Variants in TRAPPC12 observed in about 807,000 individuals in gnomAD.
TRAPPC12 encodes TPR repeat protein 15.
Under a neutral mutation model 69.2 loss-of-function variants are expected in TRAPPC12, and 61 were observed. The ratio of observed to expected loss-of-function variants is 0.88; its 90% confidence interval spans 0.72 to 1.09. TRAPPC12 has a LOEUF of 1.09. Ranked by LOEUF, TRAPPC12 falls within the 50% of genes least tolerant of loss-of-function variation. The probability of loss-of-function intolerance (pLI) is 0.00; values close to 1 mark genes in which losing one functional copy is unlikely to be tolerated. For synonymous variants in TRAPPC12, 469 were observed against 438.9 expected (o/e 1.07, Z -0.86); for missense variants, 1,101 against 1,016.4 (o/e 1.08, Z -1.13).
At position 3,387,911 on chromosome 2, in the gene TRAPPC12, G is replaced by A; in HGVS notation, c.288G>A (p.Gly96=). 1 of 1,542,554 alleles carries A rather than the reference G, an allele frequency of 6.5e-7. No homozygotes were observed. Among genetic ancestry groups the A allele is most frequent in the Non-Finnish European group, 8.7e-7 (1 of 1,143,686 alleles). ...GRVRDEAEPG[G]EGDPGPEPAG... ...TGCGGGACGAAGCTGAGCCCGGAGGGGAAGGCGACCCAGGCCCGGAGCCCG... is the reference window on the plus strand; with the variant it reads ...TGCGGGACGAAGCTGAGCCCGGAGGAGAAGGCGACCCAGGCCCGGAGCCCG... The change falls in exon 2 of 12, where the codon GGG becomes GGA. Residue 96 remains glycine, a synonymous_variant. Coordinates refer to ENST00000324266, the MANE Select transcript of TRAPPC12 (RefSeq NM_016030.6).
chr2:3,415,136 T>C (rs1174289025), intron 3 of TRAPPC12, among the ~76,000 whole-genome samples: 2 of 152,124 alleles, frequency 1.3e-5, no homozygotes, highest in Non-Finnish European at 2.9e-5. Context: ...CCAACCTCCG[T>C]GGTTTGACTT....
At chr2:3,435,337 G>C (rs182951909) in intron 5 of TRAPPC12, among the ~76,000 whole-genome samples, 8 of 152,306 alleles carry the variant, frequency 5.3e-5, no homozygotes, top group Admixed American at 3.9e-4. Flanking sequence ...CTGTTACTGG[G>C]GGGGCAGGGG....
chr2:3,447,420 A>G (rs1664570204), intron 6 of TRAPPC12, among the ~76,000 whole-genome samples: 1 of 152,216 alleles, frequency 6.6e-6, no homozygotes, highest in Non-Finnish European at 1.5e-5. Flanking sequence ...ATCATAGTAG[A>G]AAGCAAAGGG....
At position 3,414,492 on chromosome 2, in the gene TRAPPC12, A is replaced by G. The variant is rs567462783; in HGVS notation, c.1165-7389A>G. Among the ~76,000 whole-genome samples, 3 of 151,280 alleles carry G rather than the reference A, an allele frequency of 2.0e-5. No homozygotes were observed. Among genetic ancestry groups the G allele is most frequent in the African/African-American group, 7.3e-5 (3 of 41,136 alleles). ...CCTGGGGTCTGCCACTCTGGGGTCC[A>G]GCCTCTAGCTCCAGCTCCAGCTCAG... On this transcript the variant is annotated intron_variant, in intron 3 of 11. Coordinates refer to ENST00000324266, the MANE Select transcript of TRAPPC12 (RefSeq NM_016030.6). The surrounding 1 kb of genome is among the most constrained non-coding windows in gnomAD (Gnocchi z 4.9).
intron 3 of TRAPPC12, among the ~76,000 whole-genome samples, chr2:3,406,143 T>G (rs535503360): frequency 1.3e-5 from 2 of 152,212 alleles, no homozygotes; most frequent in Non-Finnish European, 2.9e-5. Flanking sequence ...TCCTCCTTCC[T>G]CTGCACCACG....
At chr2:3,405,780 AAAG>A (rs1327229698) in intron 3 of TRAPPC12, among the ~76,000 whole-genome samples, 1 of 152,226 alleles carries the variant, frequency 6.6e-6, no homozygotes, top group Non-Finnish European at 1.5e-5. Context: ...ACTATTTTTA[AAAG>A]AAGTATATAT....
chr2:3,429,986 C>T (rs961443306), intron 5 of TRAPPC12, among the ~76,000 whole-genome samples: 33 of 152,306 alleles, frequency 2.2e-4, no homozygotes, highest in African/African-American at 7.7e-4. Flanking sequence ...TGTATTCTTC[C>T]AGGTCATGTT....
intron 5 of TRAPPC12, among the ~76,000 whole-genome samples, chr2:3,443,320 G>A (rs868232485): frequency 1.3e-5 from 2 of 152,214 alleles, no homozygotes; most frequent in Admixed American, 6.5e-5. Flanking sequence ...TGGTTTTCCC[G>A]GGAGCACTTC....
At position 3,388,575 on chromosome 2, in the gene TRAPPC12, G is replaced by T. The variant is rs1191282821; in HGVS notation, c.952G>T (p.Gly318Ter). ...CTGGCTTCCCGGCGAGGCTACGCGT[G>T]GAGTCCTGCGGGCCGTGGCCACCCA... The part of the protein sequence containing the change: ...DAWLPGEATR[G>*]VLRAVATQQR... Residue 318 changes from glycine to a stop codon, truncating the protein, a stop_gained, in exon 2 of 12, where the codon GGA (glycine) becomes TGA (stop). Transcript: ENST00000324266. LOFTEE classifies it high-confidence loss of function. 1 of 1,612,224 alleles carries T rather than the reference G, an allele frequency of 6.2e-7. No homozygotes were observed. Among genetic ancestry groups the T allele is most frequent in the Non-Finnish European group, 8.5e-7 (1 of 1,179,430 alleles).
chr2:3,393,518 C>T (rs991286029), intron 2 of TRAPPC12, among the ~76,000 whole-genome samples: 1 of 152,176 alleles, frequency 6.6e-6, no homozygotes, highest in East Asian at 1.9e-4. Context: ...TATACACACA[C>T]ACACAGTAAC....
chr2:3,411,773 G>A (rs7593978), intron 3 of TRAPPC12, among the ~76,000 whole-genome samples: 95,691 of 152,120 alleles, frequency 0.63, 30,652 homozygotes, highest in African/African-American at 0.76. Flanking sequence ...ATATGTGATT[G>A]TTTCTTTAGG....
chr2:3,453,003 A>G (rs1363651850), intron 6 of TRAPPC12, among the ~76,000 whole-genome samples: 1 of 152,232 alleles, frequency 6.6e-6, no homozygotes, highest in Non-Finnish European at 1.5e-5. Flanking sequence ...GAATTCAGAA[A>G]AGGTACACTG....
intron 5 of TRAPPC12, among the ~76,000 whole-genome samples, chr2:3,426,397 G>A (rs1245282211): frequency 6.6e-6 from 1 of 152,238 alleles, no homozygotes; most frequent in African/African-American, 2.4e-5. Flanking sequence ...GTAGACGCCA[G>A]TCCTTAATGT....
intron 2 of TRAPPC12, among the ~76,000 whole-genome samples, chr2:3,395,090 A>G (rs1247770115): frequency 6.6e-6 from 1 of 152,230 alleles, no homozygotes; most frequent in Non-Finnish European, 1.5e-5. Context: ...TTAGCTCTAT[A>G]AGAAATAGAA....
chr2:3,427,032 T>C (rs1208925990), intron 5 of TRAPPC12, among the ~76,000 whole-genome samples: 1 of 152,174 alleles, frequency 6.6e-6, no homozygotes, highest in Non-Finnish European at 1.5e-5. Flanking sequence ...TGTCACTTGG[T>C]AGGTTGTGAA....
At chr2:3,399,729 A>T (rs1057078412) in intron 2 of TRAPPC12, among the ~76,000 whole-genome samples, 1 of 152,092 alleles carries the variant, frequency 6.6e-6, no homozygotes, top group African/African-American at 2.4e-5. Context: ...TTTAAGTGTC[A>T]CTATTTTGAA....
At chr2:3,478,058 G>GGCAATTACACCTT in intron 10 of TRAPPC12, 1 of 307,620 alleles carries the variant, frequency 3.3e-6, no homozygotes, top group South Asian at 8.9e-5. Flanking sequence ...CGTTTTCAGC[G>GGCAATTACACCTT]TATGTGTGTG....
intron 5 of TRAPPC12, among the ~76,000 whole-genome samples, chr2:3,434,006 G>A (rs932050687): frequency 6.6e-6 from 1 of 152,178 alleles, no homozygotes; most frequent in Non-Finnish European, 1.5e-5. Flanking sequence ...GGATTTCAGT[G>A]AGATTCCCAG....
chr2:3,392,330 G>A (rs745674122), intron 2 of TRAPPC12, among the ~76,000 whole-genome samples: 34 of 152,064 alleles, frequency 2.2e-4, no homozygotes, highest in African/African-American at 7.0e-4. Flanking sequence ...ATGCCTACCC[G>A]CCAGCCCAGA....
Sources: allele counts gnomAD v4.1 joint callset (sites outside exome capture counted in the v4.1 genomes callset), GRCh38; gene constraint gnomAD v4.1.1; non-coding constraint Gnocchi (gnomAD v3.1); transcripts MANE v1.5; gene names NCBI Gene and HGNC (gene_info 2026-07-23, HGNC 2026-07-21).